Variants in FSTL4 observed in about 807,000 individuals in gnomAD.
FSTL4 encodes follistatin like 4.
A neutral mutation model predicts 78.2 loss-of-function variants in FSTL4; 28 were observed. The observed-to-expected ratio is 0.36, with a 90% CI of 0.27 to 0.49. The LOEUF is 0.49. FSTL4 is among the 20% of genes least tolerant of loss of function. The pLI, the probability that FSTL4 is intolerant of heterozygous loss-of-function variation, is 0.98. For synonymous variants in FSTL4, 422 were observed against 440.5 expected, an observed-to-expected ratio of 0.96 and a Z score of 0.53; for missense variants, 922 against 1,084.9, an observed-to-expected ratio of 0.85 and a Z score of 2.11.
Position 133,220,790 on chromosome 5 carries a change from G to T in FSTL4, c.1416C>A (p.Ile472=), listed in dbSNP as rs1247653354. 1 of 1,611,818 alleles carries T rather than the reference G, an allele frequency of 6.2e-7. No individual in the cohort carries two copies. Among genetic ancestry groups the T allele is most frequent in the Non-Finnish European group, 8.5e-7 (1 of 1,177,900 alleles). The change falls in exon 12 of 16, where the codon ATC becomes ATA. Residue 472 remains isoleucine (I), a synonymous_variant. Coordinates refer to ENST00000265342, the MANE Select transcript of FSTL4 (RefSeq NM_015082.2). The part of the protein sequence containing the change: ...IIVIHPVDCE[I]QRHLKPTEKI... ...TTTCCGTGGGTTTGAGGTGCCTCTG[G>T]ATCTCACAGTCCACAGGATGGATGA...
At chr5:133,462,599 G>A (rs1247484815) in intron 3 of FSTL4, among the ~76,000 whole-genome samples, 2 of 152,182 alleles carry the variant, frequency 1.3e-5, no homozygotes, top group African/African-American at 4.8e-5. Flanking sequence ...CGATTGGTTC[G>A]GGAAGGAGCC....
chr5:133,238,302 A>G (rs1205080606), intron 7 of FSTL4, among the ~76,000 whole-genome samples: 1 of 152,040 alleles, frequency 6.6e-6, no homozygotes, highest in African/African-American at 2.4e-5. Context: ...CCTCAGGAGC[A>G]CCCCTGGTTC....
At chr5:133,519,801 C>G (rs924287470) in intron 3 of FSTL4, among the ~76,000 whole-genome samples, 3 of 152,178 alleles carry the variant, frequency 2.0e-5, no homozygotes, top group Non-Finnish European at 1.5e-5. Context: ...AATCGGAGAG[C>G]AAGGGCACTG....
the FSTL4 span, among the ~76,000 whole-genome samples, chr5:133,638,895 G>A: frequency 6.7e-6 from 1 of 149,616 alleles, no homozygotes; most frequent in African/African-American, 2.5e-5. Flanking sequence ...CTGTCATTAA[G>A]TATTTCTCTA....
intron 3 of FSTL4, among the ~76,000 whole-genome samples, chr5:133,520,486 T>C (rs559016893): frequency 3.4e-4 from 51 of 152,192 alleles, no homozygotes; most frequent in Non-Finnish European, 5.1e-4. Flanking sequence ...AGCACTTTCA[T>C]AGGACACAAA....
intron 4 of FSTL4, among the ~76,000 whole-genome samples, chr5:133,371,750 C>T (rs77036353): frequency 0.011 from 1,654 of 152,332 alleles, 28 homozygotes; most frequent in African/African-American, 0.037. Flanking sequence ...ACAGGAGCAT[C>T]ATTAAAGAAA....
the FSTL4 span, among the ~76,000 whole-genome samples, chr5:133,666,964 T>A: frequency 6.6e-6 from 1 of 152,208 alleles, no homozygotes; most frequent in Non-Finnish European, 1.5e-5. Flanking sequence ...ATGATGATGA[T>A]CCCCAAATTT....
At chr5:133,724,526 T>C in the FSTL4 span, among the ~76,000 whole-genome samples, 1 of 152,170 alleles carries the variant, frequency 6.6e-6, no homozygotes, top group Non-Finnish European at 1.5e-5. Context: ...TAGGAGCTTG[T>C]AGTCAGTCAC....
intron 3 of FSTL4, among the ~76,000 whole-genome samples, chr5:133,419,833 G>C (rs951867381): frequency 6.6e-6 from 1 of 152,166 alleles, no homozygotes; most frequent in African/African-American, 2.4e-5. Flanking sequence ...ATATCACTGT[G>C]ATTTCAATCT....
chr5:133,793,547 C>T, the FSTL4 span, among the ~76,000 whole-genome samples: 1 of 152,244 alleles, frequency 6.6e-6, no homozygotes, highest in Non-Finnish European at 1.5e-5. Flanking sequence ...AACATGGCAG[C>T]GCCAGGACTA....
chr5:133,820,840 C>T, the FSTL4 span, among the ~76,000 whole-genome samples: 2 of 152,274 alleles, frequency 1.3e-5, no homozygotes, highest in African/African-American at 4.8e-5. Flanking sequence ...TCCCTGGGGA[C>T]TTCTCAACTT....
chr5:133,770,129 C>T, the FSTL4 span, among the ~76,000 whole-genome samples: 2 of 151,798 alleles, frequency 1.3e-5, no homozygotes, highest in African/African-American at 4.8e-5. Context: ...TTTATCTAGT[C>T]CTCCATTAAT....
At chr5:133,637,330 T>C in the FSTL4 span, among the ~76,000 whole-genome samples, 1 of 152,134 alleles carries the variant, frequency 6.6e-6, no homozygotes, top group African/African-American at 2.4e-5. Flanking sequence ...TCCCCATTGC[T>C]ATTAATACAT....
the FSTL4 span, among the ~76,000 whole-genome samples, chr5:133,815,211 T>C: frequency 3.5e-3 from 537 of 152,338 alleles, 1 homozygote; most frequent in Non-Finnish European, 5.4e-3. Context: ...AAGAGTGAGC[T>C]CCTGTAGCTG....
intron 3 of FSTL4, among the ~76,000 whole-genome samples, chr5:133,503,330 T>A (rs1215252492): frequency 6.6e-6 from 1 of 152,186 alleles, no homozygotes; most frequent in African/African-American, 2.4e-5. Flanking sequence ...ATTAGTAGAA[T>A]TTGACAATTT....
chr5:133,659,472 A>T, the FSTL4 span, among the ~76,000 whole-genome samples: 2 of 151,422 alleles, frequency 1.3e-5, no homozygotes, highest in African/African-American at 2.4e-5. Context: ...TTTCTAATCT[A>T]TTGTTTGGTT....
At chr5:133,479,859 G>A (rs2112856861) in intron 3 of FSTL4, among the ~76,000 whole-genome samples, 1 of 152,330 alleles carries the variant, frequency 6.6e-6, no homozygotes. Flanking sequence ...TCCCAATAAA[G>A]CTGTTAGAAA....
At chr5:133,457,697 C>A (rs970746322) in intron 3 of FSTL4, 1 of 152,224 alleles carries the variant, frequency 6.6e-6, no homozygotes, top group Non-Finnish European at 1.5e-5. Flanking sequence ...ACAAAGGAGT[C>A]GTCAGCATCT....
chr5:133,526,325 T>C (rs947706428), intron 3 of FSTL4, among the ~76,000 whole-genome samples: 1 of 151,776 alleles, frequency 6.6e-6, no homozygotes, highest in Admixed American at 6.6e-5. Flanking sequence ...GTTTTGAGTG[T>C]TGAGGGAAAG....
Sources: gnomAD v4.1 joint callset for allele counts (sites outside exome capture counted in the v4.1 genomes callset) on GRCh38, gnomAD v4.1.1 for gene constraint, MANE v1.5 for transcripts, NCBI Gene and HGNC (gene_info 2026-07-23, HGNC 2026-07-21) for gene names.